The following SMARCC2 variants were observed in gnomAD, a reference collection of about 807,000 sequenced individuals.
SMARCC2 encodes the protein SWI/SNF complex subunit SMARCC2.
SMARCC2 carries 15 observed loss-of-function variants against 151.3 expected under a neutral mutation model. The ratio of observed to expected loss-of-function variants is 0.10; its 90% CI spans 0.07 to 0.15. The LOEUF is 0.15. SMARCC2 is among the 10% of genes least tolerant of loss of function. The pLI is 1.00. For synonymous variants in SMARCC2, 590 were observed against 609.5 expected, an observed-to-expected ratio of 0.97 and a Z score of 0.47; for missense variants, 1,031 against 1,599.7, an observed-to-expected ratio of 0.64 and a Z score of 6.06.
intron 15 of SMARCC2, among the ~76,000 whole-genome samples, chr12:56,176,093 G>A (rs940361078): frequency 1.3e-5 from 2 of 152,094 alleles, no homozygotes; most frequent in Non-Finnish European, 2.9e-5. Flanking sequence ...TCCTGACCTC[G>A]TGATCTGCCC....
Position 56,169,864 on chromosome 12 carries a change from T to C in SMARCC2, c.2460A>G (p.Lys820=). The change falls in exon 24 of 29, where the codon AAA becomes AAG. Residue 820 remains lysine (K), a synonymous_variant. Transcript: ENST00000550164. Reference sequence around the variant, plus strand: ...CATCCTTCTTGGGAGCCTCGCTGGTTTTCTCTTTTGCTTCCTCCTCTATAG... The same window carrying C: ...CATCCTTCTTGGGAGCCTCGCTGGTCTTCTCTTTTGCTTCCTCCTCTATAG... ...GGAIEEEAKE[K]TSEAPKKDEE... 1.2e-6 allele frequency: 2 copies of C among 1,614,082 alleles called. No homozygotes were observed. Among genetic ancestry groups the C allele is most frequent in the South Asian group, 1.1e-5 (1 of 91,068 alleles).
At chr12:56,173,122 A>C in intron 17 of SMARCC2, 93 bp from the exon 18 acceptor site, 1 of 1,064,424 alleles carries the variant, frequency 9.4e-7, no homozygotes, top group Non-Finnish European at 1.4e-6. Context: ...GGCGGCCCAC[A>C]AGCTCTGGGG....
chr12:56,179,083 A>C, intron 11 of SMARCC2, 27 bp from the exon 12 acceptor site: 8 of 1,611,192 alleles, frequency 5.0e-6, no homozygotes, highest in Non-Finnish European at 6.8e-6. Flanking sequence ...TCATTTTATC[A>C]GACAGATTTT....
At chr12:56,187,017 A>G (rs1390848733) in intron 2 of SMARCC2, 170 bp downstream of exon 2, 8 of 586,558 alleles carry the variant, frequency 1.4e-5, no homozygotes, top group Non-Finnish European at 2.1e-5. Context: ...AGAATGGTAA[A>G]CTGGAGACTA....
Position 56,181,464 on chromosome 12 carries a change from G to A in SMARCC2, c.956+18C>T, listed in dbSNP as rs1321355177. 1 of 1,394,554 alleles carries A rather than the reference G, an allele frequency of 7.2e-7. No homozygotes were observed. Among genetic ancestry groups the A allele is most frequent in the African/African-American group, 1.4e-5 (1 of 69,320 alleles). The allele number at this position is 1,394,554 out of a possible 1,614,324, so 86.4% of individuals were successfully genotyped here. On this transcript the variant is annotated intron_variant, in intron 10 of 28. Transcript: ENST00000550164. ...GGAGAGAATGGTGAACACGGGGGCA[G>A]GCTAGGGGCTGGCACACCCTTTCTT...
At chr12:56,179,094 G>C in intron 11 of SMARCC2, 38 bp from the exon 12 acceptor site, 1 of 1,596,782 alleles carries the variant, frequency 6.3e-7, no homozygotes, top group South Asian at 1.1e-5. Flanking sequence ...GACAGATTTT[G>C]CCTAATTCAA....
At chr12:56,181,641 A>G (rs1876228579) in intron 9 of SMARCC2, 44 bp from the exon 10 acceptor site, 2 of 1,612,222 alleles carry the variant, frequency 1.2e-6, no homozygotes, top group East Asian at 2.2e-5. Context: ...TACAATCCCC[A>G]CTGAAGATTT....
At chr12:56,165,789 G>T in intron 26 of SMARCC2, 90 bp from the exon 27 acceptor site, 1 of 1,320,990 alleles carries the variant, frequency 7.6e-7, no homozygotes. Flanking sequence ...TTCTGAAAGA[G>T]CCTGCCTCTC....
intron 15 of SMARCC2, among the ~76,000 whole-genome samples, chr12:56,177,449 G>A (rs1875251190): frequency 6.6e-6 from 1 of 152,058 alleles, no homozygotes; most frequent in African/African-American, 2.4e-5. Flanking sequence ...GTCTTGCTAT[G>A]TTGCTCATGC....
Position 56,167,889 on chromosome 12 carries a change from A to AACACACACACACACACAC in SMARCC2, c.2850+153_2850+170dup, listed in dbSNP as rs57344405. Among the ~76,000 whole-genome samples, 1,092 of 132,606 alleles carry AACACACACACACACACAC rather than the reference A, an allele frequency of 8.2e-3. 29 individuals carry two copies. The highest frequency in any genetic ancestry group is 0.03 in the African/African-American group (1,020 of 34,306). 87.0% of individuals were successfully genotyped at this position (132,606 alleles called of 152,430 possible). A position where few individuals can be genotyped will look rare whatever the true frequency, so the allele number is the denominator to read the frequency against. On this transcript the variant is annotated intron_variant, in intron 26 of 28. Transcript: ENST00000550164. ...CCCACTGTTGCTTATCTTTCACTGA[A>AACACACACACACACACAC]ACACACACACACACACACACACTCA...
chr12:56,179,069 A>G lies in SMARCC2; in HGVS notation c.1082-13T>C. 6.2e-7 allele frequency: 1 copy of G among 1,613,630 alleles called. No homozygotes were observed. Among genetic ancestry groups the G allele is most frequent in the Non-Finnish European group, 8.5e-7 (1 of 1,179,564 alleles). ...TTCTTTGTGTTGACTGCGAAAACAGAGAGTCATTTTATCAGACAGATTTTG... is the reference window on the plus strand; with the variant it reads ...TTCTTTGTGTTGACTGCGAAAACAGGGAGTCATTTTATCAGACAGATTTTG... On this transcript the variant is annotated splice_polypyrimidine_tract_variant and intron_variant, in intron 11 of 28. Coordinates refer to ENST00000550164, the MANE Select transcript of SMARCC2 (RefSeq NM_001330288.2).
rs1182397293 is a variant in SMARCC2 at position 56,174,647 on chromosome 12, C to T, written c.1496+4G>A. The T allele has an allele frequency of 1.2e-6, 2 of 1,602,652 alleles. No homozygotes were observed. Among genetic ancestry groups the T allele is most frequent in the Non-Finnish European group, 1.7e-6 (2 of 1,169,988 alleles). ...ACCCCCTTCCCCTCAGCCACAAGAC[C>T]CACCTCATGATGGCACAGACATCAC... On this transcript the variant is annotated splice_donor_region_variant and intron_variant, in intron 16 of 28. Transcript: ENST00000550164.
At position 56,165,589 on chromosome 12, in the gene SMARCC2, T is replaced by G; in HGVS notation, c.2961A>C (p.Gln987His). The G allele has an allele frequency of 6.2e-7, 1 of 1,613,782 alleles. No homozygotes were observed. The highest frequency in any genetic ancestry group is 8.5e-7 in the Non-Finnish European group (1 of 1,180,016). The change falls in exon 27 of 29, where the codon CAA becomes CAC. Residue 987 changes from glutamine to histidine, a missense_variant. Transcript: ENST00000550164. ...ARQQHFQQMH[Q>H]QQQQPPPALP... ...GGGCTGGTGGTGGCTGCTGCTGCTG[T>G]TGGTGCATCTGTTGGAAGTGCTGCT... is the stretch of plus-strand genomic sequence containing the variant.
intron 18 of SMARCC2, 88 bp downstream of exon 18, chr12:56,172,849 C>T: frequency 6.4e-7 from 1 of 1,565,840 alleles, no homozygotes; most frequent in Non-Finnish European, 8.7e-7. Context: ...TGCTGTAGTT[C>T]CTCTGCTCTC....
At chr12:56,178,757 A>G in intron 13 of SMARCC2, 53 bp downstream of exon 13, 1 of 1,576,732 alleles carries the variant, frequency 6.3e-7, no homozygotes, top group Non-Finnish European at 8.7e-7. Flanking sequence ...TGAACTTTAT[A>G]ATCACAAATC....
In SMARCC2 at chr12:56,165,595, C is replaced by T. The variant is rs761568639; in HGVS notation, c.2955G>A (p.Met985Ile). Residue 985 changes from methionine to isoleucine, a missense_variant, in exon 27 of 29, where the codon ATG becomes ATA. Met to Ile is a conservative substitution (Grantham distance 10, BLOSUM62 1). Around this residue, in one of 12 missense-constraint regions of SMARCC2, gnomAD observed 310 missense variants for 350.0 expected, o/e 0.89. Coordinates refer to ENST00000550164, the MANE Select transcript of SMARCC2 (RefSeq NM_001330288.2). ...MRARQQHFQQ[M>I]HQQQQQPPPA... Reference sequence around the variant, plus strand: ...GTGGTGGCTGCTGCTGCTGTTGGTGCATCTGTTGGAAGTGCTGCTGCCGAG... The same window carrying T: ...GTGGTGGCTGCTGCTGCTGTTGGTGTATCTGTTGGAAGTGCTGCTGCCGAG... The T allele has an allele frequency of 2.6e-5, 42 of 1,613,766 alleles. No homozygotes were observed. In the South Asian group the frequency reaches 4.4e-4, roughly 17 times the overall value.
chr12:56,184,727 T>C (rs1446023615), intron 5 of SMARCC2, 117 bp downstream of exon 5: 8 of 658,258 alleles, frequency 1.2e-5, no homozygotes, highest in Non-Finnish European at 1.9e-5. Context: ...TTTTTCCAAG[T>C]AGACAGAGCC....
At chr12:56,188,380 A>C (rs1472314096) in intron 1 of SMARCC2, among the ~76,000 whole-genome samples, 1 of 152,196 alleles carries the variant, frequency 6.6e-6, no homozygotes. Flanking sequence ...CTAAGCCACT[A>C]AGCACACTTC....
intron 1 of SMARCC2, among the ~76,000 whole-genome samples, chr12:56,189,113 A>G (rs960789819): frequency 1.3e-5 from 2 of 150,434 alleles, no homozygotes; most frequent in African/African-American, 2.4e-5. Context: ...CAGTAGAGAA[A>G]AACAAGGGGC....
Sources: gnomAD v4.1 joint callset for allele counts (sites outside exome capture counted in the v4.1 genomes callset) on GRCh38, gnomAD v4.1.1 for gene constraint, gnomAD v4.1.1 regional missense constraint, MANE v1.5 for transcripts, NCBI Gene and HGNC (gene_info 2026-07-23, HGNC 2026-07-21) for gene names.